LARGE1: variants seen among roughly 807,000 people sequenced by gnomAD.
The protein encoded by LARGE1 is xylosyl- and glucuronyltransferase LARGE1.
In LARGE1, 43 loss-of-function variants were observed where a neutral mutation model predicts 87.6. The ratio of observed to expected loss-of-function variants is 0.49; its 90% CI spans 0.38 to 0.63. LARGE1 has a LOEUF of 0.63. Ranked by LOEUF, LARGE1 falls within the 30% of genes least tolerant of loss-of-function variation. LARGE1 has a pLI of 0.00. For missense variants in LARGE1, 802 were observed against 1,000.2 expected (o/e 0.80, Z 2.67); for synonymous variants, 434 against 394.6 (o/e 1.10, Z -1.18).
chr22:33,069,094 C>A, the LARGE1 span, among the ~76,000 whole-genome samples: 1 of 152,194 alleles, frequency 6.6e-6, no homozygotes, highest in African/African-American at 2.4e-5. Context: ...ATCCCTTATA[C>A]CTCATCGCCA....
At chr22:33,260,211 C>T (rs1402804009) in intron 11 of LARGE1, among the ~76,000 whole-genome samples, 1 of 152,244 alleles carries the variant, frequency 6.6e-6, no homozygotes, top group African/African-American at 2.4e-5. Flanking sequence ...CCTGACCCAC[C>T]CTGGCGCTTC....
intron 2 of LARGE1, among the ~76,000 whole-genome samples, chr22:33,660,082 GTGTGTGTGTT>G (rs2081076569): frequency 8.5e-6 from 1 of 117,434 alleles, no homozygotes; most frequent in South Asian, 2.8e-4. Context: ...GTGTGTGTGT[GTGTGTGTGTT>G]TTTTTTTTTT....
chr22:33,859,261 G>A (rs946490010), intron 1 of LARGE1, among the ~76,000 whole-genome samples: 1 of 152,120 alleles, frequency 6.6e-6, no homozygotes, highest in Non-Finnish European at 1.5e-5. Flanking sequence ...TGATAATAAT[G>A]TTGTATTACT....
intron 10 of LARGE1, among the ~76,000 whole-genome samples, chr22:33,336,716 G>T (rs534103132): frequency 9.9e-5 from 15 of 152,096 alleles, no homozygotes; most frequent in Non-Finnish European, 1.8e-4. Flanking sequence ...TTTCCTGTGG[G>T]GCCATGGGCA....
chr22:33,653,311 A>C (rs573421783), intron 2 of LARGE1, among the ~76,000 whole-genome samples: 42 of 152,286 alleles, frequency 2.8e-4, no homozygotes, highest in Admixed American at 7.2e-4. Flanking sequence ...CTGTGTTCCT[A>C]TTATGTTGCA....
chr22:33,081,387 G>A, the LARGE1 span, among the ~76,000 whole-genome samples: 1 of 152,162 alleles, frequency 6.6e-6, no homozygotes, highest in Admixed American at 6.5e-5. Context: ...TAACCTGTGA[G>A]CTAAGTTTTG....
chr22:33,777,685 A>G, intron 1 of LARGE1, among the ~76,000 whole-genome samples: 1 of 99,890 alleles, frequency 1.0e-5, no homozygotes, highest in Admixed American at 1.1e-4. Flanking sequence ...GAGAAGGAGA[A>G]GGGGAAGGGA....
intron 2 of LARGE1, among the ~76,000 whole-genome samples, chr22:33,657,997 A>G (rs2081017132): frequency 6.6e-6 from 1 of 152,108 alleles, no homozygotes; most frequent in South Asian, 2.1e-4. Flanking sequence ...CCCAGCAACA[A>G]TGGCAGAGGG....
chr22:33,097,903 ACTATATAACTGGAT>A, the LARGE1 span, among the ~76,000 whole-genome samples: 1 of 152,236 alleles, frequency 6.6e-6, no homozygotes, highest in Non-Finnish European at 1.5e-5. Flanking sequence ...GGTAGCCATT[ACTATATAACTGGAT>A]ACATGAAACC....
At chr22:33,842,360 T>C (rs2063305418) in intron 1 of LARGE1, among the ~76,000 whole-genome samples, 2 of 152,364 alleles carry the variant, frequency 1.3e-5, no homozygotes, top group South Asian at 2.1e-4. Flanking sequence ...CATTGTCTGC[T>C]TAATAAAACT....
chr22:33,653,453 G>A (rs1027755434), intron 2 of LARGE1, among the ~76,000 whole-genome samples: 1 of 152,138 alleles, frequency 6.6e-6, no homozygotes, highest in Non-Finnish European at 1.5e-5. Context: ...TGGAGCATTT[G>A]GGCAGAAATG....
intron 1 of LARGE1, among the ~76,000 whole-genome samples, chr22:33,865,905 G>C (rs2064088397): frequency 8.2e-6 from 1 of 121,454 alleles, no homozygotes; most frequent in Admixed American, 1.1e-4. Context: ...CTGGAGTCCA[G>C]TGGCATGATC....
chr22:33,346,231 TCTTCCTTCCTTC>T (rs373678345), intron 9 of LARGE1, among the ~76,000 whole-genome samples: 1 of 151,214 alleles, frequency 6.6e-6, no homozygotes, highest in East Asian at 1.9e-4. Context: ...TCTCTTCCTT[TCTTCCTTCCTTC>T]CTTCCTTCCT....
chr22:33,580,108 C>T (rs1338505272), intron 5 of LARGE1, among the ~76,000 whole-genome samples: 2 of 152,078 alleles, frequency 1.3e-5, no homozygotes, highest in African/African-American at 2.4e-5. Context: ...CAGTGGCTCA[C>T]GCCTGTAATT....
At chr22:33,284,552 G>A (rs769409380) in intron 12 of LARGE1, among the ~76,000 whole-genome samples, 4 of 152,096 alleles carry the variant, frequency 2.6e-5, no homozygotes, top group Non-Finnish European at 5.9e-5. Flanking sequence ...AGCCATCCAC[G>A]GCCAAGCATT....
At chr22:33,440,450 G>A (rs1165198672) in intron 6 of LARGE1, among the ~76,000 whole-genome samples, 1 of 152,136 alleles carries the variant, frequency 6.6e-6, no homozygotes, top group Non-Finnish European at 1.5e-5. Flanking sequence ...TGATCAAACC[G>A]GCTGTGCTTA....
intron 1 of LARGE1, among the ~76,000 whole-genome samples, chr22:33,822,690 T>C (rs924162595): frequency 2.0e-5 from 3 of 152,052 alleles, no homozygotes; most frequent in African/African-American, 7.2e-5. Flanking sequence ...AGAATAAGGC[T>C]CCATCTCAAA....
At chr22:33,890,117 A>G (rs1375600581) in intron 1 of LARGE1, among the ~76,000 whole-genome samples, 1 of 152,194 alleles carries the variant, frequency 6.6e-6, no homozygotes, top group East Asian at 1.9e-4. Flanking sequence ...GAGGGGAACT[A>G]GCGACCCATG....
At chr22:33,292,306 T>C (rs1932733014) in intron 12 of LARGE1, among the ~76,000 whole-genome samples, 2 of 152,208 alleles carry the variant, frequency 1.3e-5, no homozygotes, top group African/African-American at 4.8e-5. Context: ...CCCAATTTGA[T>C]GCCATCTTCA....
Sources: allele counts gnomAD v4.1 joint callset (sites outside exome capture counted in the v4.1 genomes callset), GRCh38; gene constraint gnomAD v4.1.1; transcripts MANE v1.5; gene names NCBI Gene and HGNC (gene_info 2026-07-23, HGNC 2026-07-21).